GPHN: variants seen among roughly 807,000 people sequenced by gnomAD.
GPHN encodes the protein gephyrin.
In GPHN, 17 loss-of-function variants were observed where a neutral mutation model predicts 95.5. The observed-to-expected ratio is 0.18, with a 90% CI of 0.12 to 0.27. The LOEUF (loss-of-function observed/expected upper bound fraction) is 0.27, where lower values mean the gene tolerates loss of function less well. GPHN is among the 10% of genes least tolerant of loss of function. The pLI is 1.00. For synonymous variants in GPHN, 320 were observed against 322.5 expected (o/e 0.99, Z 0.08); for missense variants, 660 against 978.1 (o/e 0.67, Z 4.34).
At chr14:66,638,303 A>T (rs1390492001) in intron 1 of GPHN, among the ~76,000 whole-genome samples, 2 of 152,084 alleles carry the variant, frequency 1.3e-5, no homozygotes, top group Non-Finnish European at 2.9e-5. Flanking sequence ...GCATGGTGGC[A>T]CATGCCTGTA....
At chr14:66,698,698 C>T (rs908519845) in intron 2 of GPHN, among the ~76,000 whole-genome samples, 6 of 152,140 alleles carry the variant, frequency 3.9e-5, no homozygotes, top group Admixed American at 6.5e-5. Flanking sequence ...ATATGTCACT[C>T]AAAGCCAGAA....
chr14:66,691,123 G>T (rs1218534538), intron 2 of GPHN, among the ~76,000 whole-genome samples: 1 of 152,052 alleles, frequency 6.6e-6, no homozygotes, highest in Admixed American at 6.6e-5. Context: ...GGGAGGATCA[G>T]TTGAGCCCAG....
chr14:67,589,315 A>G, the GPHN span: 11 of 974,872 alleles, frequency 1.1e-5, no homozygotes, highest in Non-Finnish European at 1.3e-5. Flanking sequence ...AAAGGATTCA[A>G]TATTTGCTTA....
the GPHN span, among the ~76,000 whole-genome samples, chr14:67,694,785 A>C: frequency 2.6e-5 from 4 of 152,176 alleles, no homozygotes; most frequent in African/African-American, 9.7e-5. Context: ...GACTGTGGTA[A>C]GAAATGACTG....
intron 5 of GPHN, among the ~76,000 whole-genome samples, chr14:66,883,185 C>T (rs2153535621): frequency 6.6e-6 from 1 of 151,970 alleles, no homozygotes; most frequent in South Asian, 2.1e-4. Flanking sequence ...TCACAAATCC[C>T]TGAGGCTCTG....
chr14:67,022,056 T>G (rs117429315), intron 9 of GPHN, among the ~76,000 whole-genome samples: 3 of 152,076 alleles, frequency 2.0e-5, no homozygotes, highest in Non-Finnish European at 4.4e-5. Flanking sequence ...TGAAATGTAG[T>G]TTCTCTCTTT....
chr14:67,361,348 T>TA, the GPHN span, among the ~76,000 whole-genome samples: 2 of 152,252 alleles, frequency 1.3e-5, no homozygotes, highest in Non-Finnish European at 2.9e-5. Flanking sequence ...CTTTGCTACC[T>TA]ATTCTTAGTT....
chr14:67,699,112 G>C, the GPHN span, among the ~76,000 whole-genome samples: 1 of 151,902 alleles, frequency 6.6e-6, no homozygotes, highest in Non-Finnish European at 1.5e-5. Flanking sequence ...AATTAGCTGG[G>C]CATGGTGGCA....
the GPHN span, among the ~76,000 whole-genome samples, chr14:67,494,700 A>T: frequency 2.0e-5 from 3 of 152,224 alleles, no homozygotes; most frequent in Non-Finnish European, 4.4e-5. Context: ...TGTGGTGCAC[A>T]GAATCAGCAT....
the GPHN span, among the ~76,000 whole-genome samples, chr14:67,458,277 A>C: frequency 8.0e-4 from 122 of 152,206 alleles, 1 homozygote; most frequent in African/African-American, 2.9e-3. Context: ...TGGGGTGAGG[A>C]GCCTCCTCCT....
At chr14:67,619,578 G>A in the GPHN span, among the ~76,000 whole-genome samples, 1 of 152,258 alleles carries the variant, frequency 6.6e-6, no homozygotes, top group Non-Finnish European at 1.5e-5. Context: ...GAAGATTGGT[G>A]TCGGCTCCTG....
At chr14:67,134,206 G>A (rs1423314495) in intron 17 of GPHN, among the ~76,000 whole-genome samples, 1 of 152,138 alleles carries the variant, frequency 6.6e-6, no homozygotes, top group Non-Finnish European at 1.5e-5. Flanking sequence ...AATTCTTTTA[G>A]TGAGAAAGAT....
chr14:66,629,139 A>T (rs2063649934), intron 1 of GPHN, among the ~76,000 whole-genome samples: 1 of 126,460 alleles, frequency 7.9e-6, no homozygotes, highest in Admixed American at 8.4e-5. Context: ...ATAAATATAT[A>T]TTTATATACA....
At chr14:67,337,062 T>G in the GPHN span, among the ~76,000 whole-genome samples, 2 of 152,252 alleles carry the variant, frequency 1.3e-5, no homozygotes, top group African/African-American at 4.8e-5. Context: ...CAATTTTTCC[T>G]CTGTAAAATA....
chr14:67,101,849 A>ATTAT (rs57643224), intron 13 of GPHN, among the ~76,000 whole-genome samples: 54,134 of 145,388 alleles, frequency 0.37, 10,659 homozygotes, highest in African/African-American at 0.47. Context: ...TGGTTTATGT[A>ATTAT]TTATTTATTT....
the GPHN span, chr14:67,733,930 T>C: frequency 2.9e-6 from 3 of 1,039,108 alleles, no homozygotes; most frequent in Admixed American, 1.8e-5. Context: ...CCCTAAAGGA[T>C]TGTCCTCTTG....
At chr14:67,316,469 T>C in the GPHN span, among the ~76,000 whole-genome samples, 4 of 152,186 alleles carry the variant, frequency 2.6e-5, no homozygotes, top group African/African-American at 7.2e-5. Context: ...ATTCCTAGAA[T>C]TGATATCCTT....
chr14:66,865,175 T>A (rs1198702456), intron 4 of GPHN, among the ~76,000 whole-genome samples: 6 of 152,090 alleles, frequency 3.9e-5, no homozygotes, highest in Non-Finnish European at 8.8e-5. Context: ...GAGTAAAACC[T>A]GGTATTGGAT....
the GPHN span, among the ~76,000 whole-genome samples, chr14:67,273,862 T>C: frequency 2.6e-5 from 4 of 152,226 alleles, no homozygotes; most frequent in South Asian, 2.1e-4. Flanking sequence ...TTGCATTTCT[T>C]TGATGACCAG....
Sources: gnomAD v4.1 joint callset for allele counts (sites outside exome capture counted in the v4.1 genomes callset) on GRCh38, gnomAD v4.1.1 for gene constraint, MANE v1.5 for transcripts, NCBI Gene and HGNC (gene_info 2026-07-23, HGNC 2026-07-21) for gene names.